The following TRPC4 variants were observed in gnomAD, a reference collection of about 807,000 sequenced individuals.
TRPC4 encodes short transient receptor potential channel 4.
A neutral mutation model predicts 99.4 loss-of-function variants in TRPC4; 49 were observed. That is an observed-to-expected ratio of 0.49 (90% confidence interval 0.39 to 0.63). The LOEUF is 0.63. Ranked by LOEUF, TRPC4 falls within the 20% of genes least tolerant of loss-of-function variation. The pLI is 0.00. For missense variants in TRPC4, 898 were observed against 1,152.9 expected, an observed-to-expected ratio of 0.78 and a Z score of 3.20; for synonymous variants, 454 against 425.9, an observed-to-expected ratio of 1.07 and a Z score of -0.81.
In TRPC4 at chr13:37,692,209, C is replaced by A; in HGVS notation, c.1024G>T (p.Val342Phe). The A allele has an allele frequency of 6.2e-7, 1 of 1,614,088 alleles. No homozygotes were observed. The highest frequency in any genetic ancestry group is 8.5e-7 in the Non-Finnish European group (1 of 1,180,016). The change falls in exon 4 of 11, where the codon GTC (valine) becomes TTC (phenylalanine). Residue 342 changes from valine (V) to phenylalanine (F), a missense_variant. Physicochemically the swap from Val to Phe is conservative, Grantham distance 50 (BLOSUM62 -1). Coordinates refer to ENST00000379705, the MANE Select transcript of TRPC4 (RefSeq NM_016179.4). ...GCTATCAGGTAGCACACAGAGAAGACAGGAAAAAGAAGTCCTATTATGAAA... is the reference window on the plus strand; with the variant it reads ...GCTATCAGGTAGCACACAGAGAAGAAAGGAAAAAGAAGTCCTATTATGAAA... ...TCFIIGLLFP[V>F]FSVCYLIAPK...
intron 1 of TRPC4, among the ~76,000 whole-genome samples, chr13:37,861,495 T>C (rs1374144127): frequency 6.6e-6 from 1 of 151,604 alleles, no homozygotes; most frequent in Non-Finnish European, 1.5e-5. Flanking sequence ...CTAAATACAA[T>C]AGAATGCAAA....
intron 6 of TRPC4, 82 bp from the exon 7 acceptor site, chr13:37,655,365 T>TTA (rs61181512): frequency 0.074 from 27,034 of 366,628 alleles, 786 homozygotes; most frequent in East Asian, 0.26. Flanking sequence ...CTTGGCATGA[T>TTA]TATATATATA....
chr13:37,748,725 G>A (rs1412752425), intron 2 of TRPC4, among the ~76,000 whole-genome samples: 2 of 151,028 alleles, frequency 1.3e-5, no homozygotes, highest in Non-Finnish European at 2.9e-5. Flanking sequence ...GAATATTGCA[G>A]AAAATTTTAT....
chr13:37,824,478 A>C (rs1480074464), intron 1 of TRPC4, among the ~76,000 whole-genome samples: 2 of 152,056 alleles, frequency 1.3e-5, no homozygotes, highest in African/African-American at 4.8e-5. Context: ...AGTTTTTAGC[A>C]TGAAGGGTTG....
intron 4 of TRPC4, among the ~76,000 whole-genome samples, chr13:37,684,691 A>G (rs1453758067): frequency 4.6e-5 from 7 of 151,946 alleles, no homozygotes; most frequent in African/African-American, 1.7e-4. Context: ...TATTTTCACT[A>G]TGAAAATTAC....
chr13:37,755,431 A>ATTTTTTTAT (rs58814259), intron 2 of TRPC4, among the ~76,000 whole-genome samples: 14 of 151,636 alleles, frequency 9.2e-5, no homozygotes, highest in Admixed American at 5.9e-4. Flanking sequence ...TAATTTTTTT[A>ATTTTTTTAT]TTTTTTATTT....
chr13:37,790,873 T>C (rs949422661), intron 1 of TRPC4, among the ~76,000 whole-genome samples: 8 of 152,086 alleles, frequency 5.3e-5, no homozygotes, highest in Non-Finnish European at 1.0e-4. Context: ...GTGAGTTCAA[T>C]ATATAAAGAA....
chr13:37,775,647 C>G (rs924555712), intron 2 of TRPC4, among the ~76,000 whole-genome samples: 1 of 151,700 alleles, frequency 6.6e-6, no homozygotes, highest in African/African-American at 2.4e-5. Flanking sequence ...CTCTCTCTCT[C>G]ACTCCTGCCA....
At chr13:37,718,787 G>A (rs1031501373) in intron 3 of TRPC4, among the ~76,000 whole-genome samples, 1 of 152,032 alleles carries the variant, frequency 6.6e-6, no homozygotes, top group African/African-American at 2.4e-5. Flanking sequence ...GTATCCATGG[G>A]ATAATATCAA....
chr13:37,685,952 C>A (rs527687202), intron 4 of TRPC4, among the ~76,000 whole-genome samples: 1 of 151,962 alleles, frequency 6.6e-6, no homozygotes, highest in South Asian at 2.1e-4. Flanking sequence ...AAATGAGGGT[C>A]ATATGTCGCA....
chr13:37,797,008 A>G (rs61958361), intron 1 of TRPC4, among the ~76,000 whole-genome samples: 36,163 of 86,972 alleles, frequency 0.42, 6,127 homozygotes, highest in Non-Finnish European at 0.51. Context: ...GTAAAGTAAA[A>G]TAAAATAAAA....
At chr13:37,642,004 A>G (rs1026274568) in intron 8 of TRPC4, among the ~76,000 whole-genome samples, 4 of 152,236 alleles carry the variant, frequency 2.6e-5, no homozygotes, top group Non-Finnish European at 2.9e-5. Flanking sequence ...AGAAAGTAAA[A>G]TAATATACTT....
At chr13:37,774,896 G>C (rs991984003) in intron 2 of TRPC4, among the ~76,000 whole-genome samples, 1 of 151,568 alleles carries the variant, frequency 6.6e-6, no homozygotes, top group African/African-American at 2.4e-5. Context: ...ATATTAACAT[G>C]TTATGTATTC....
intron 2 of TRPC4, among the ~76,000 whole-genome samples, chr13:37,758,287 T>A (rs1956143332): frequency 6.6e-6 from 1 of 151,898 alleles, no homozygotes; most frequent in African/African-American, 2.4e-5. Flanking sequence ...GTATGTTGAA[T>A]CCAACAGTGT....
intron 3 of TRPC4, among the ~76,000 whole-genome samples, chr13:37,719,974 A>C (rs1388740581): frequency 6.6e-6 from 1 of 152,092 alleles, no homozygotes; most frequent in Admixed American, 6.6e-5. Context: ...GGCTCGGTGT[A>C]GTCAGAAGTG....
At chr13:37,693,897 G>A (rs894980795) in intron 3 of TRPC4, among the ~76,000 whole-genome samples, 1 of 151,990 alleles carries the variant, frequency 6.6e-6, no homozygotes, top group African/African-American at 2.4e-5. Context: ...TGGGGTAGGG[G>A]GGACTATCCT....
At chr13:37,735,303 C>T (rs1321932595) in intron 3 of TRPC4, among the ~76,000 whole-genome samples, 3 of 152,076 alleles carry the variant, frequency 2.0e-5, no homozygotes, top group South Asian at 2.1e-4. Context: ...CGAACTATAA[C>T]GTTTCAGTTT....
Position 37,783,306 on chromosome 13 carries a change from C to A in TRPC4, c.28G>T (p.Val10Phe). 6.3e-7 allele frequency: 1 copy of A among 1,586,804 alleles called. No individual in the cohort carries two copies. Among genetic ancestry groups the A allele is most frequent in the Non-Finnish European group, 8.6e-7 (1 of 1,169,172 alleles). The part of the protein sequence containing the change: MAQFYYKRN[V>F]NAPYRDRIPL... ...ATGCGGTCTCTATAGGGAGCATTAA[C>A]ATTTCTTTTGTAATAGAACTGAGCC... Residue 10 changes from valine (V) to phenylalanine (F), a missense_variant, in exon 2 of 11, where the codon GTT (valine) becomes TTT (phenylalanine). Val to Phe is a conservative substitution (Grantham distance 50). This residue lies in a region of TRPC4 where 278 missense variants were observed against 346.6 expected (regional missense o/e 0.80). Coordinates refer to ENST00000379705, the MANE Select transcript of TRPC4 (RefSeq NM_016179.4).
At chr13:37,833,899 G>A (rs1958490603) in intron 1 of TRPC4, among the ~76,000 whole-genome samples, 1 of 152,154 alleles carries the variant, frequency 6.6e-6, no homozygotes, top group Non-Finnish European at 1.5e-5. Flanking sequence ...GCTAAGAAGA[G>A]TAGTCTGACA....
Sources: allele counts gnomAD v4.1 joint callset (sites outside exome capture counted in the v4.1 genomes callset), GRCh38; gene constraint gnomAD v4.1.1; regional missense constraint gnomAD v4.1.1; transcripts MANE v1.5; gene names NCBI Gene and HGNC (gene_info 2026-07-23, HGNC 2026-07-21).